The following SI variants were observed in gnomAD, a reference collection of about 807,000 sequenced individuals.
SI encodes sucrase-isomaltase.
In SI, 235 loss-of-function variants were observed where a neutral mutation model predicts 253.3. That is an observed-to-expected ratio of 0.93 (90% CI 0.83 to 1.03). SI has a LOEUF of 1.03. Among genes scored for constraint, SI ranks in the 50% least tolerant of loss-of-function variants. SI has a pLI of 0.00. For synonymous variants in SI, 819 were observed against 712.0 expected (o/e 1.15, Z -2.39); for missense variants, 2,442 against 2,211.1 (o/e 1.10, Z -2.09).
intron 2 of SI, 55 bp downstream of exon 2, chr3:165,075,840 G>T: frequency 9.6e-7 from 1 of 1,043,572 alleles, no homozygotes; most frequent in Non-Finnish European, 1.5e-6. Context: ...CTATTGTGGA[G>T]TAACTTCCTC....
intron 33 of SI, among the ~76,000 whole-genome samples, chr3:165,014,777 C>T (rs1718949115): frequency 6.6e-6 from 1 of 152,012 alleles, no homozygotes; most frequent in South Asian, 2.1e-4. Context: ...CTACTATTAA[C>T]ATATGTTTTC....
intron 28 of SI, 80 bp from the exon 29 acceptor site, chr3:165,018,146 T>A: frequency 1.2e-6 from 1 of 857,454 alleles, no homozygotes; most frequent in South Asian, 1.4e-5. Context: ...TAAAATTTAT[T>A]ATACAATCGA....
the SI span, among the ~76,000 whole-genome samples, chr3:165,089,142 C>A: frequency 6.8e-6 from 1 of 146,074 alleles, no homozygotes; most frequent in Non-Finnish European, 1.5e-5. Context: ...ATTGTTATGG[C>A]TGTCTTTAGT....
intron 19 of SI, 80 bp from the exon 20 acceptor site, chr3:165,039,214 T>A: frequency 2.1e-6 from 2 of 966,430 alleles, no homozygotes; most frequent in African/African-American, 1.6e-5. Flanking sequence ...TGGGTTTTCA[T>A]AGTCAAGGGA....
intron 28 of SI, among the ~76,000 whole-genome samples, chr3:165,019,206 AG>A (rs1719185691): frequency 6.6e-6 from 1 of 151,946 alleles, no homozygotes; most frequent in Admixed American, 6.6e-5. Context: ...AAGGTTATAA[AG>A]GGAAAAAAGA....
rs548374787 is a variant in SI, at chr3:164,998,673, A to G, written c.4407T>C (p.Asp1469=). 3.1e-6 allele frequency: 5 copies of G among 1,609,578 alleles called. No homozygotes were observed. The South Asian group carries it at 3.3e-5, about 11-fold the overall frequency. Residue 1469 remains aspartate, a splice_region_variant and synonymous_variant, in exon 38 of 48, where the codon GAT becomes GAC. Transcript: ENST00000264382. ...YGWSQMKPTH[D]ALQKTTGKRG... is the part of the protein sequence containing the mutation. ...TTTTTCCAGTTGTCTTCTGCAATGC[A>G]CTAATATAGTAGAGAAGTATTTTTG...
chr3:165,050,064 G>A (rs569555579), intron 13 of SI, among the ~76,000 whole-genome samples, 189 bp from the exon 14 acceptor site: 2 of 152,172 alleles, frequency 1.3e-5, no homozygotes, highest in East Asian at 1.9e-4. Context: ...TCTTAGATGG[G>A]ATAGAGAGAT....
Position 165,065,312 on chromosome 3 carries a change from A to G in SI, c.756T>C (p.Asp252=). The change falls in exon 7 of 48, where the codon GAT becomes GAC. Residue 252 remains aspartate (D), a synonymous_variant. Coordinates refer to ENST00000264382, the MANE Select transcript of SI (RefSeq NM_001041.4). ...GEQVHKRFRH[D]LSWKTWPIFT... The stretch of plus-strand genomic sequence containing the variant: ...AAATTGGCCATGTTTTCCAGGATAA[A>G]TCATGACGAAATCTCTTATGAACTT... 1 of 1,608,904 alleles carries G rather than the reference A, an allele frequency of 6.2e-7. No individual in the cohort carries two copies. The highest frequency in any genetic ancestry group is 8.5e-7 in the Non-Finnish European group (1 of 1,176,524).
At chr3:165,060,101 G>T in intron 9 of SI, 74 bp from the exon 10 acceptor site, 1 of 1,290,594 alleles carries the variant, frequency 7.7e-7, no homozygotes, top group Non-Finnish European at 1.1e-6. Context: ...AGGTTAATGT[G>T]CCTCTTATTT....
At chr3:164,997,243 G>A (rs1718053090) in intron 38 of SI, among the ~76,000 whole-genome samples, 1 of 151,514 alleles carries the variant, frequency 6.6e-6, no homozygotes, top group Admixed American at 6.6e-5. Flanking sequence ...CAATGAATAT[G>A]ATTTCTGAGC....
chr3:165,080,315 G>C (rs1006634462), upstream of SI, among the ~76,000 whole-genome samples: 1 of 151,900 alleles, frequency 6.6e-6, no homozygotes, highest in African/African-American at 2.4e-5. Flanking sequence ...GAATTGAAAC[G>C]ATAAGCCTCT....
Position 164,982,340 on chromosome 3 carries a change from T to A in SI, c.5318A>T (p.His1773Leu). ...AGGAGTAGTTCCTTTCCCCCATACA[T>A]GAAGGGATCCAAGCCTCGTTTCACT... ...NKSETRLGSL[H>L]VWGKGTTPVN... Residue 1773 changes from histidine to leucine, a missense_variant, in exon 47 of 48, where the codon CAT becomes CTT. Coordinates refer to ENST00000264382, the MANE Select transcript of SI (RefSeq NM_001041.4). The A allele has an allele frequency of 1.9e-6, 3 of 1,612,498 alleles. No individual in the cohort carries two copies. Among genetic ancestry groups the A allele is most frequent in the Non-Finnish European group, 1.7e-6 (2 of 1,178,842 alleles).
At chr3:165,086,720 A>T in the SI span, among the ~76,000 whole-genome samples, 3 of 152,184 alleles carry the variant, frequency 2.0e-5, no homozygotes, top group Admixed American at 1.3e-4. Flanking sequence ...ATCCAGAAGA[A>T]CTCAAAGAGT....
chr3:164,998,931 T>C (rs1718141219), intron 37 of SI, among the ~76,000 whole-genome samples: 1 of 151,844 alleles, frequency 6.6e-6, no homozygotes, highest in Non-Finnish European at 1.5e-5. Context: ...CTTCAATGAA[T>C]ACAAGTTAAA....
chr3:165,032,398 G>A, intron 24 of SI, 124 bp downstream of exon 24: 1 of 602,082 alleles, frequency 1.7e-6, no homozygotes, highest in Non-Finnish European at 2.8e-6. Context: ...AGGGAAGAAG[G>A]AAGCAACGAA....
In SI at chr3:165,075,956, T is replaced by C. The variant is rs760966659; in HGVS notation, c.57A>G (p.Ile19Met). 1.3e-6 allele frequency: 2 copies of C among 1,598,956 alleles called. No homozygotes were observed. Among genetic ancestry groups the C allele is most frequent in the Admixed American group, 1.7e-5 (1 of 59,626 alleles). Reference protein sequence around the residue: ...LEISLIVLFVIVTIIAIALIV... With the variant: ...LEISLIVLFVMVTIIAIALIV... The stretch of plus-strand genomic sequence containing the variant: ...TTAAGGCAATAGCTATTATAGTAAC[T>C]ATGACAAAAAGGACAATCAGAGAGA... Residue 19 changes from isoleucine (I) to methionine (M), a missense_variant, in exon 2 of 48, where the codon ATA (isoleucine) becomes ATG (methionine). Ile to Met is a conservative substitution (Grantham distance 10, BLOSUM62 1). Coordinates refer to ENST00000264382, the MANE Select transcript of SI (RefSeq NM_001041.4).
intron 43 of SI, 60 bp from the exon 44 acceptor site, chr3:164,991,537 T>G: frequency 6.4e-7 from 1 of 1,556,380 alleles, no homozygotes; most frequent in South Asian, 1.1e-5. Flanking sequence ...TCAGCAACAC[T>G]GGTAGTTGAG....
At chr3:165,066,947 A>G (rs187878522) in intron 6 of SI, among the ~76,000 whole-genome samples, 4 of 151,962 alleles carry the variant, frequency 2.6e-5, no homozygotes, top group Non-Finnish European at 4.4e-5. Flanking sequence ...ATATATATAA[A>G]TTATTTTAAT....
At chr3:165,060,409 A>G (rs1312806447) in intron 9 of SI, among the ~76,000 whole-genome samples, 1 of 152,046 alleles carries the variant, frequency 6.6e-6, no homozygotes, top group African/African-American at 2.4e-5. Context: ...TTCTATTACA[A>G]GTCACCATAC....
Sources: allele counts gnomAD v4.1 joint callset (sites outside exome capture counted in the v4.1 genomes callset), GRCh38; gene constraint gnomAD v4.1.1; transcripts MANE v1.5; gene names NCBI Gene and HGNC (gene_info 2026-07-23, HGNC 2026-07-21).